Variants in FBXL14 observed in about 807,000 individuals in gnomAD.
FBXL14 encodes F-box/LRR-repeat protein 14.
In FBXL14, 11 loss-of-function variants were observed where a neutral mutation model predicts 24.5. That is an observed-to-expected ratio of 0.45 (90% confidence interval 0.28 to 0.74). The LOEUF (loss-of-function observed/expected upper bound fraction) is 0.74, where lower values mean the gene tolerates loss of function less well. FBXL14 is among the 30% of genes least tolerant of loss of function. The pLI is 0.12. For missense variants in FBXL14, 384 were observed against 545.6 expected, an observed-to-expected ratio of 0.70 and a Z score of 2.95; for synonymous variants, 294 against 240.4, an observed-to-expected ratio of 1.22 and a Z score of -2.06.
intron 1 of FBXL14, among the ~76,000 whole-genome samples, chr12:1,582,932 T>C (rs1254226402): frequency 6.6e-6 from 1 of 152,166 alleles, no homozygotes; most frequent in African/African-American, 2.4e-5. Context: ...TCTGGCTACA[T>C]TGGCTCAGAA....
intron 1 of FBXL14, among the ~76,000 whole-genome samples, chr12:1,580,795 A>T (rs2094464740): frequency 6.6e-6 from 1 of 152,176 alleles, no homozygotes; most frequent in Non-Finnish European, 1.5e-5. Context: ...GAGGGGGCAG[A>T]TTAGCATTAG....
chr12:1,593,230 C>A lies in FBXL14; in HGVS notation c.837G>T (p.Leu279=). The A allele has an allele frequency of 6.2e-7, 1 of 1,612,864 alleles. No homozygotes were observed. Among genetic ancestry groups the A allele is most frequent in the Non-Finnish European group, 8.5e-7 (1 of 1,180,030 alleles). Reference sequence around the variant, plus strand: ...ACGAAACATCCAGCCCCGAGAGGCGCAGGCTGCCCATGGCCAGATGCATGA... The same window carrying A: ...ACGAAACATCCAGCCCCGAGAGGCGAAGGCTGCCCATGGCCAGATGCATGA... ...TGIMHLAMGS[L]RLSGLDVSFC... is the part of the protein sequence containing the mutation. Residue 279 remains leucine (L), a synonymous_variant, in exon 1 of 2, where the codon CTG becomes CTT. Coordinates refer to ENST00000339235, the MANE Select transcript of FBXL14 (RefSeq NM_152441.3). The surrounding 1 kb of genome is among the most constrained non-coding windows in gnomAD (Gnocchi z 7.4).
At chr12:1,572,631 G>A (rs145364040) in intron 1 of FBXL14, among the ~76,000 whole-genome samples, 5 of 19,368 alleles carry the variant, frequency 2.6e-4, no homozygotes, top group Non-Finnish European at 1.1e-3. Context: ...TCGGGGAAGC[G>A]GGGGGGCAGT....
At position 1,567,911 on chromosome 12, in the gene FBXL14, A is replaced by G. The variant is rs1172387626; in HGVS notation, c.1195-1101T>C. 6.6e-6 allele frequency among the ~76,000 whole-genome samples: 1 copy of G among 152,250 alleles called. No individual in the cohort carries two copies. The highest frequency in any genetic ancestry group is 2.4e-5 in the African/African-American group (1 of 41,472). ...CGCGCGCACACACGTGCGCACACAC[A>G]CAGAACAGAATATCCAAGAACTGTG... On this transcript the variant is annotated intron_variant, in intron 1 of 1. Coordinates refer to ENST00000339235, the MANE Select transcript of FBXL14 (RefSeq NM_152441.3). The surrounding 1 kb of genome is among the most constrained non-coding windows in gnomAD (Gnocchi z 4.8).
intron 1 of FBXL14, among the ~76,000 whole-genome samples, chr12:1,585,409 A>G (rs1185546181): frequency 1.3e-5 from 2 of 152,220 alleles, no homozygotes; most frequent in Admixed American, 1.3e-4. Flanking sequence ...AAAAAAAAAA[A>G]AAAATGTAGC....
In FBXL14 at chr12:1,567,279, A is replaced by G. The variant is rs1028410421; in HGVS notation, c.1195-469T>C. Among the ~76,000 whole-genome samples, 1 of 152,082 alleles carries G rather than the reference A, an allele frequency of 6.6e-6. No individual in the cohort carries two copies. Among genetic ancestry groups the G allele is most frequent in the Non-Finnish European group, 1.5e-5 (1 of 68,010 alleles). On this transcript the variant is annotated intron_variant, in intron 1 of 1. Transcript: ENST00000339235. This position sits in a 1 kb window ranked among gnomAD's most constrained non-coding sequence, Gnocchi z 4.8. ...GGAGTTCGAGACCAGCCTGGCCAAT[A>G]TGGCAAAACCCCATCTCTACTAAAA... is the stretch of plus-strand genomic sequence containing the variant.
At chr12:1,586,701 A>G (rs974164632) in intron 1 of FBXL14, among the ~76,000 whole-genome samples, 1 of 152,240 alleles carries the variant, frequency 6.6e-6, no homozygotes, top group Admixed American at 6.5e-5. Context: ...AATTAAATGT[A>G]CCACATCTGC....
In FBXL14 at chr12:1,594,080, C is replaced by G. The variant is rs111814721; in HGVS notation, c.-14G>C. On this transcript the variant is annotated 5_prime_UTR_variant, in exon 1 of 2. Transcript: ENST00000339235. Reference sequence around the variant, plus strand: ...GTGGGTCTCCATCTTCCTCCTCCCCCCTCCGCGGCGCTGGGGGGAGGAGGC... The same window carrying G: ...GTGGGTCTCCATCTTCCTCCTCCCCGCTCCGCGGCGCTGGGGGGAGGAGGC... 2,964 of 1,430,754 alleles carry G rather than the reference C, an allele frequency of 2.1e-3. 6 individuals carry two copies. Among genetic ancestry groups the G allele is most frequent in the Non-Finnish European group, 2.4e-3 (2,587 of 1,098,884 alleles). The allele number at this position is 1,430,754 out of a possible 1,614,324, so 88.6% of individuals were successfully genotyped here.
intron 1 of FBXL14, among the ~76,000 whole-genome samples, chr12:1,568,920 A>G (rs2094440718): frequency 6.6e-6 from 1 of 152,190 alleles, no homozygotes; most frequent in South Asian, 2.1e-4. Context: ...GTTGTCTACA[A>G]AAAACCCACT....
chr12:1,577,826 G>A (rs760300495), intron 1 of FBXL14, among the ~76,000 whole-genome samples: 4 of 152,178 alleles, frequency 2.6e-5, no homozygotes, highest in Admixed American at 6.5e-5. Flanking sequence ...CTTAGAAATC[G>A]GAAGCAATAC....
chr12:1,574,042 G>C (rs1455219218), intron 1 of FBXL14, among the ~76,000 whole-genome samples: 1 of 151,956 alleles, frequency 6.6e-6, no homozygotes, highest in African/African-American at 2.4e-5. Flanking sequence ...TGAAATGGTT[G>C]TGTGTGACCA....
At chr12:1,588,170 G>A (rs2094480783) in intron 1 of FBXL14, among the ~76,000 whole-genome samples, 2 of 152,170 alleles carry the variant, frequency 1.3e-5, no homozygotes, top group Admixed American at 1.3e-4. Context: ...TTTTAATCAA[G>A]AGGTTCTTAT....
chr12:1,570,228 G>A (rs1397920343), intron 1 of FBXL14, among the ~76,000 whole-genome samples: 1 of 132,174 alleles, frequency 7.6e-6, no homozygotes, highest in Non-Finnish European at 1.6e-5. Context: ...GGGAAAGTGA[G>A]ACAAGGAAGG....
At chr12:1,588,101 G>A (rs1215087418) in intron 1 of FBXL14, among the ~76,000 whole-genome samples, 2 of 152,164 alleles carry the variant, frequency 1.3e-5, no homozygotes, top group Non-Finnish European at 2.9e-5. Flanking sequence ...TCATAGAACT[G>A]GGAAGAGACA....
At chr12:1,581,824 T>C (rs1565586368) in intron 1 of FBXL14, among the ~76,000 whole-genome samples, 1 of 152,144 alleles carries the variant, frequency 6.6e-6, no homozygotes, top group East Asian at 1.9e-4. Flanking sequence ...GGGCCTACCT[T>C]CTTGAAAATG....
At chr12:1,573,731 C>G (rs569578942) in intron 1 of FBXL14, among the ~76,000 whole-genome samples, 5 of 152,264 alleles carry the variant, frequency 3.3e-5, no homozygotes, top group African/African-American at 9.6e-5. Flanking sequence ...GAGGCCGGGC[C>G]TGGTGGCTCA....
intron 1 of FBXL14, among the ~76,000 whole-genome samples, chr12:1,591,208 C>T (rs760247069): frequency 8.5e-5 from 13 of 152,106 alleles, no homozygotes; most frequent in Non-Finnish European, 1.3e-4. Flanking sequence ...AAAATTCTAC[C>T]CATGAGTTGA....
intron 1 of FBXL14, among the ~76,000 whole-genome samples, chr12:1,585,173 C>T (rs1365837139): frequency 2.0e-5 from 3 of 151,916 alleles, no homozygotes; most frequent in African/African-American, 7.3e-5. Context: ...CCGAGGCAGG[C>T]GGATCACAAG....
At chr12:1,580,423 A>T (rs919622875) in intron 1 of FBXL14, among the ~76,000 whole-genome samples, 3 of 152,190 alleles carry the variant, frequency 2.0e-5, no homozygotes, top group African/African-American at 7.2e-5. Flanking sequence ...GTGTTCACAG[A>T]TGACATCCTT....
Sources: gnomAD v4.1 joint callset for allele counts (sites outside exome capture counted in the v4.1 genomes callset) on GRCh38, gnomAD v4.1.1 for gene constraint, Gnocchi (gnomAD v3.1) non-coding constraint, MANE v1.5 for transcripts, NCBI Gene and HGNC (gene_info 2026-07-23, HGNC 2026-07-21) for gene names.